The following PIK3CB variants were observed in gnomAD, a reference collection of about 807,000 sequenced individuals.
The protein encoded by PIK3CB is phosphatidylinositol 4,5-bisphosphate 3-kinase catalytic subunit beta isoform.
Under a neutral mutation model 136.8 loss-of-function variants are expected in PIK3CB, and 39 were observed. The observed-to-expected ratio is 0.29, with a 90% CI of 0.22 to 0.37. The LOEUF (loss-of-function observed/expected upper bound fraction) is 0.37. Ranked by LOEUF, PIK3CB falls within the 10% of genes least tolerant of loss-of-function variation. The pLI is 1.00. For synonymous variants in PIK3CB, 428 were observed against 436.6 expected, an observed-to-expected ratio of 0.98 and a Z score of 0.25; for missense variants, 868 against 1,275.4, an observed-to-expected ratio of 0.68 and a Z score of 4.87.
intron 1 of PIK3CB, among the ~76,000 whole-genome samples, chr3:138,799,884 G>T (rs2046152936): frequency 6.6e-6 from 1 of 151,994 alleles, no homozygotes; most frequent in African/African-American, 2.4e-5. Context: ...TTGCCATGTT[G>T]CCCAGGCTGG....
At chr3:138,741,243 C>T (rs564307649) in intron 5 of PIK3CB, among the ~76,000 whole-genome samples, 24 of 152,242 alleles carry the variant, frequency 1.6e-4, no homozygotes, top group African/African-American at 5.3e-4. Context: ...TGGGTAAAAC[C>T]AGAGACACCT....
At chr3:138,665,257 A>G (rs1028102793) in intron 19 of PIK3CB, 54 bp from the exon 20 acceptor site, 3 of 1,308,146 alleles carry the variant, frequency 2.3e-6, no homozygotes, top group Admixed American at 2.5e-5. Context: ...TGAAACATTA[A>G]TTTGGTAAGA....
intron 8 of PIK3CB, among the ~76,000 whole-genome samples, chr3:138,721,910 C>G (rs2044733351): frequency 6.6e-6 from 1 of 152,142 alleles, no homozygotes; most frequent in South Asian, 2.1e-4. Flanking sequence ...CTAAGCATAT[C>G]TCTCTCAATT....
At chr3:138,749,890 T>C (rs2045434624) in intron 4 of PIK3CB, among the ~76,000 whole-genome samples, 1 of 152,208 alleles carries the variant, frequency 6.6e-6, no homozygotes, top group Admixed American at 6.5e-5. Context: ...TTTTGTTTGT[T>C]TGAGACAGGG....
chr3:138,680,867 T>C (rs2043759262), intron 19 of PIK3CB, among the ~76,000 whole-genome samples: 1 of 151,948 alleles, frequency 6.6e-6, no homozygotes, highest in African/African-American at 2.4e-5. Flanking sequence ...TTTTGTATTT[T>C]TAGTAGAGCT....
chr3:138,831,646 G>A (rs563749866), intron 1 of PIK3CB, among the ~76,000 whole-genome samples: 45 of 151,674 alleles, frequency 3.0e-4, no homozygotes, highest in African/African-American at 9.9e-4. Flanking sequence ...ATTTATTGGG[G>A]CCAGGCACAG....
chr3:138,785,825 TA>T (rs1039124528), intron 2 of PIK3CB, among the ~76,000 whole-genome samples: 5,094 of 117,086 alleles, frequency 0.044, 237 homozygotes, highest in African/African-American at 0.14. Context: ...AATAAATACT[TA>T]AAAAAAAAAA....
chr3:138,788,935 GACTGGGGGAAAAGAGAGAGACT>G (rs1235824068), intron 2 of PIK3CB, among the ~76,000 whole-genome samples: 2 of 125,168 alleles, frequency 1.6e-5, no homozygotes, highest in Non-Finnish European at 3.1e-5. Context: ...TTGCACTCCA[GACTGGGGGAAAAGAGAGAGACT>G]TCGTCTCAAA....
At chr3:138,716,320 T>C (rs1029792098) in intron 8 of PIK3CB, among the ~76,000 whole-genome samples, 4 of 152,124 alleles carry the variant, frequency 2.6e-5, no homozygotes, top group Admixed American at 6.6e-5. Flanking sequence ...CTCCTCTGCA[T>C]TGGAAAAATC....
intron 13 of PIK3CB, among the ~76,000 whole-genome samples, chr3:138,697,970 C>T (rs562673243): frequency 2.6e-5 from 4 of 151,618 alleles, no homozygotes; most frequent in Non-Finnish European, 5.9e-5. Flanking sequence ...TGAGCTCAAG[C>T]GATCCACCTG....
chr3:138,800,060 T>C (rs952981855), intron 1 of PIK3CB, among the ~76,000 whole-genome samples: 5 of 152,202 alleles, frequency 3.3e-5, no homozygotes, highest in African/African-American at 1.2e-4. Context: ...TTTGTTCCTA[T>C]TTAGGGCTCT....
intron 19 of PIK3CB, among the ~76,000 whole-genome samples, chr3:138,671,913 C>G (rs1052039926): frequency 2.6e-5 from 4 of 151,898 alleles, no homozygotes; most frequent in African/African-American, 9.7e-5. Flanking sequence ...AGGGTGGGCA[C>G]ATGAAGAAAA....
Position 138,683,800 on chromosome 3 carries a change from G to A in PIK3CB, c.2316-13C>T. The A allele has an allele frequency of 7.3e-7, 1 of 1,365,592 alleles. No homozygotes were observed. The highest frequency in any genetic ancestry group is 2.3e-5 in the East Asian group (1 of 43,710). 84.6% of individuals were successfully genotyped at this position (1,365,592 alleles called of 1,614,324 possible). A position where few individuals can be genotyped will look rare whatever the true frequency, so the allele number is the denominator to read the frequency against. On this transcript the variant is annotated splice_polypyrimidine_tract_variant and intron_variant, in intron 17 of 23. Coordinates refer to ENST00000674063, the MANE Select transcript of PIK3CB (RefSeq NM_006219.3). ...GCACTTTTCAACACTGAAATCAAGTGGGGAAAATTAGTCAACTTCAGTGTA... is the reference window on the plus strand; with the variant it reads ...GCACTTTTCAACACTGAAATCAAGTAGGGAAAATTAGTCAACTTCAGTGTA...
chr3:138,789,670 T>C (rs904590393), intron 2 of PIK3CB, among the ~76,000 whole-genome samples: 41 of 150,884 alleles, frequency 2.7e-4, no homozygotes, highest in African/African-American at 9.7e-4. Context: ...GGAAATGTGG[T>C]GTGTACATAC....
chr3:138,819,144 C>G (rs1352103492), intron 1 of PIK3CB, among the ~76,000 whole-genome samples: 3 of 152,088 alleles, frequency 2.0e-5, no homozygotes, highest in South Asian at 4.2e-4. Context: ...GTCTGGAGAT[C>G]GAGACCATCC....
chr3:138,805,151 G>A (rs1576423461), intron 1 of PIK3CB, among the ~76,000 whole-genome samples: 3 of 151,676 alleles, frequency 2.0e-5, no homozygotes, highest in Non-Finnish European at 4.4e-5. Context: ...CCTGGCCAAC[G>A]TGACAAAACC....
intron 2 of PIK3CB, among the ~76,000 whole-genome samples, chr3:138,766,873 T>G (rs2045738342): frequency 1.3e-5 from 2 of 152,220 alleles, no homozygotes; most frequent in Admixed American, 1.3e-4. Context: ...ATATTGTCAT[T>G]AGCAATTTAC....
intron 3 of PIK3CB, 26 bp downstream of exon 3, chr3:138,759,147 C>T (rs1436233931): frequency 4.7e-6 from 7 of 1,474,832 alleles, no homozygotes; most frequent in East Asian, 2.3e-5. Context: ...ATGCTAAACA[C>T]ATAGAAATTA....
At position 138,714,730 on chromosome 3, in the gene PIK3CB, G is replaced by GCAGA. The variant is rs2044573138; in HGVS notation, c.1051-15_1051-12dup. 6.4e-7 allele frequency: 1 copy of GCAGA among 1,567,110 alleles called. No individual in the cohort carries two copies. Among genetic ancestry groups the GCAGA allele is most frequent in the Non-Finnish European group, 8.6e-7 (1 of 1,161,454 alleles). ...AGCCCTGACATGAACCTGTAACGAA[G>GCAGA]CAGACAAAAACAAAAACAAAGTCAT... On this transcript the variant is annotated splice_polypyrimidine_tract_variant and intron_variant, in intron 8 of 23. Coordinates refer to ENST00000674063, the MANE Select transcript of PIK3CB (RefSeq NM_006219.3).
Sources: gnomAD v4.1 joint callset for allele counts (sites outside exome capture counted in the v4.1 genomes callset) on GRCh38, gnomAD v4.1.1 for gene constraint, MANE v1.5 for transcripts, NCBI Gene and HGNC (gene_info 2026-07-23, HGNC 2026-07-21) for gene names.